The following SEL1L2 variants were observed in gnomAD, a reference collection of about 807,000 sequenced individuals.
SEL1L2 encodes the protein protein sel-1 homolog 2.
SEL1L2 carries 89 observed loss-of-function variants against 98.8 expected under a neutral mutation model. That is an observed-to-expected ratio of 0.90 (90% confidence interval 0.76 to 1.07). SEL1L2 has a LOEUF of 1.07. SEL1L2 is among the 50% of genes least tolerant of loss of function. The pLI is 0.00. For missense variants in SEL1L2, 788 were observed against 812.0 expected (o/e 0.97, Z 0.36); for synonymous variants, 262 against 278.5 (o/e 0.94, Z 0.59).
intron 8 of SEL1L2, among the ~76,000 whole-genome samples, chr20:13,887,058 T>C (rs1388842248): frequency 6.6e-6 from 1 of 152,180 alleles, no homozygotes; most frequent in Non-Finnish European, 1.5e-5. Context: ...ATAATTTTTT[T>C]CTGGGACTAA....
At chr20:13,888,802 C>A (rs1386128980) in intron 5 of SEL1L2, among the ~76,000 whole-genome samples, 2 of 68,650 alleles carry the variant, frequency 2.9e-5, no homozygotes, top group East Asian at 1.4e-3. Context: ...CCACGCCCCG[C>A]TATTTTTTTT....
chr20:13,917,170 G>A (rs1239120451), intron 4 of SEL1L2, among the ~76,000 whole-genome samples: 1 of 152,066 alleles, frequency 6.6e-6, no homozygotes, highest in Non-Finnish European at 1.5e-5. Flanking sequence ...CCTGACTGGC[G>A]CTCCACATCT....
At position 13,939,040 on chromosome 20, in the gene SEL1L2, G is replaced by GGTTTTTTTTTTTTTTT; in HGVS notation, c.115-7270_115-7269insAAAAAAAAAAAAAAAC. ...TCTTTTTGGTTTGTTTGCTTGTTTT[G>GGTTTTTTTTTTTTTTT]TTTTTTTTTTTTTTTTTTTCTGAGA... is the stretch of plus-strand genomic sequence containing the variant. On this transcript the variant is annotated intron_variant, in intron 2 of 19. Transcript: ENST00000284951. Among the ~76,000 whole-genome samples, 123 of 114,058 alleles carry GGTTTTTTTTTTTTTTT rather than the reference G, an allele frequency of 1.1e-3. 17 individuals are homozygous for GGTTTTTTTTTTTTTTT. The highest frequency in any genetic ancestry group is 2.8e-3 in the Admixed American group (28 of 10,126). The allele number at this position is 114,058 out of a possible 152,430, so 74.8% of individuals were successfully genotyped here.
At chr20:13,908,378 C>T (rs1488111602) in intron 5 of SEL1L2, among the ~76,000 whole-genome samples, 1 of 152,124 alleles carries the variant, frequency 6.6e-6, no homozygotes, top group East Asian at 1.9e-4. Flanking sequence ...CCTGCTTCAG[C>T]CTCCCAAAAT....
chr20:13,860,281 C>G (rs1980547), intron 17 of SEL1L2, among the ~76,000 whole-genome samples: 8,217 of 152,266 alleles, frequency 0.054, 301 homozygotes, highest in Non-Finnish European at 0.084. Flanking sequence ...TTACACTGAA[C>G]CTTTTCAAAA....
chr20:13,877,417 C>A, intron 11 of SEL1L2, 103 bp downstream of exon 11: 1 of 867,714 alleles, frequency 1.2e-6, no homozygotes, highest in Non-Finnish European at 1.8e-6. Flanking sequence ...CTTTCCACCT[C>A]AACTTCCCAA....
chr20:13,901,684 C>T (rs147121318), intron 5 of SEL1L2, among the ~76,000 whole-genome samples: 1,752 of 144,938 alleles, frequency 0.012, 38 homozygotes, highest in African/African-American at 0.042. Flanking sequence ...TTTTTTGAGA[C>T]GGAGTCTCAC....
intron 1 of SEL1L2, among the ~76,000 whole-genome samples, chr20:13,972,830 C>T (rs1478900357): frequency 6.6e-6 from 1 of 152,150 alleles, no homozygotes; most frequent in African/African-American, 2.4e-5. Flanking sequence ...TTCTCATTAT[C>T]CATAAAGTAC....
chr20:13,974,985 G>A (rs751181813), intron 1 of SEL1L2, among the ~76,000 whole-genome samples: 4 of 152,064 alleles, frequency 2.6e-5, no homozygotes, highest in African/African-American at 7.2e-5. Context: ...GCTGCAGGGT[G>A]TAAATCATTT....
chr20:13,909,412 CT>C (rs1232936164), intron 5 of SEL1L2, among the ~76,000 whole-genome samples: 1 of 152,214 alleles, frequency 6.6e-6, no homozygotes, highest in African/African-American at 2.4e-5. Flanking sequence ...GGACTTGCTA[CT>C]GGAAACAGAT....
chr20:13,882,022 A>G (rs771085044), intron 10 of SEL1L2, among the ~76,000 whole-genome samples: 8 of 152,230 alleles, frequency 5.3e-5, no homozygotes, highest in Non-Finnish European at 1.0e-4. Flanking sequence ...ACATTTGCAT[A>G]CATATGTATA....
intron 2 of SEL1L2, among the ~76,000 whole-genome samples, chr20:13,937,824 C>T (rs2049530604): frequency 6.6e-6 from 1 of 152,120 alleles, no homozygotes; most frequent in South Asian, 2.1e-4. Flanking sequence ...TTGGGGAAAC[C>T]TCTTGTTTCC....
At chr20:13,955,842 A>G (rs972775261) in intron 2 of SEL1L2, among the ~76,000 whole-genome samples, 1 of 152,198 alleles carries the variant, frequency 6.6e-6, no homozygotes, top group Non-Finnish European at 1.5e-5. Flanking sequence ...TTTTGCACCA[A>G]TCTAATATTT....
chr20:13,916,731 G>T (rs1193480081), intron 4 of SEL1L2, among the ~76,000 whole-genome samples: 1 of 152,102 alleles, frequency 6.6e-6, no homozygotes, highest in Non-Finnish European at 1.5e-5. Flanking sequence ...GCTTGAACTG[G>T]GGAGGTGGAG....
chr20:13,935,783 T>A (rs989021167), intron 2 of SEL1L2, among the ~76,000 whole-genome samples: 1 of 152,106 alleles, frequency 6.6e-6, no homozygotes, highest in Non-Finnish European at 1.5e-5. Flanking sequence ...TCATTCTGGC[T>A]CATGTGTGGA....
chr20:13,887,134 A>G (rs1289123005), intron 8 of SEL1L2, among the ~76,000 whole-genome samples: 1 of 152,258 alleles, frequency 6.6e-6, no homozygotes, highest in Non-Finnish European at 1.5e-5. Flanking sequence ...AAATAAATAT[A>G]AAGATAGATA....
chr20:13,928,692 G>A (rs553141205), intron 3 of SEL1L2, among the ~76,000 whole-genome samples: 35 of 152,156 alleles, frequency 2.3e-4, no homozygotes, highest in Non-Finnish European at 3.7e-4. Context: ...TCAAATGACA[G>A]AAAGCTAGGA....
chr20:13,916,190 C>T (rs2048392039), intron 4 of SEL1L2, among the ~76,000 whole-genome samples: 1 of 152,066 alleles, frequency 6.6e-6, no homozygotes, highest in Non-Finnish European at 1.5e-5. Context: ...TGAATTGGTC[C>T]AGGATGTGGG....
chr20:13,873,226 G>A (rs1341057962), intron 12 of SEL1L2, among the ~76,000 whole-genome samples: 1 of 152,064 alleles, frequency 6.6e-6, no homozygotes, highest in Non-Finnish European at 1.5e-5. Context: ...CTGACCTCAA[G>A]TGATCCACCA....
Sources: gnomAD v4.1 joint callset for allele counts (sites outside exome capture counted in the v4.1 genomes callset) on GRCh38, gnomAD v4.1.1 for gene constraint, MANE v1.5 for transcripts, NCBI Gene and HGNC (gene_info 2026-07-23, HGNC 2026-07-21) for gene names.